The following PSMD14 variants were observed in gnomAD, a reference collection of about 807,000 sequenced individuals.
PSMD14 encodes the protein proteasome 26S subunit, non-ATPase 14.
A neutral mutation model predicts 41.2 loss-of-function variants in PSMD14; 7 were observed. That is an observed-to-expected ratio of 0.17 (90% CI 0.10 to 0.32). PSMD14 has a LOEUF of 0.32. PSMD14 is among the 10% of genes least tolerant of loss of function. The pLI is 1.00. For missense variants in PSMD14, 139 were observed against 375.6 expected (o/e 0.37, Z 5.21); for synonymous variants, 114 against 122.3 (o/e 0.93, Z 0.45).
chr2:161,380,769 A>T (rs889760673), intron 7 of PSMD14, among the ~76,000 whole-genome samples: 5 of 152,054 alleles, frequency 3.3e-5, no homozygotes, highest in African/African-American at 1.2e-4. Context: ...ATAAAAAGTA[A>T]GATTTCTCTG....
At chr2:161,362,354 G>A (rs1223028562) in intron 3 of PSMD14, among the ~76,000 whole-genome samples, 13 of 152,094 alleles carry the variant, frequency 8.5e-5, no homozygotes, top group African/African-American at 2.7e-4. Context: ...TGCCTATATA[G>A]TTACCTGGAT....
intron 7 of PSMD14, chr2:161,381,828 T>A (rs1206215085): frequency 2.0e-5 from 3 of 151,900 alleles, no homozygotes; most frequent in African/African-American, 7.2e-5. Context: ...GCTTTTATAA[T>A]CTAAGACAGA....
At chr2:161,362,935 TTTTAGCC>T (rs1177470447) in intron 3 of PSMD14, among the ~76,000 whole-genome samples, 2 of 152,232 alleles carry the variant, frequency 1.3e-5, no homozygotes, top group African/African-American at 2.4e-5. Context: ...TTTCTGTTTA[TTTTAGCC>T]TTAGAAACAA....
chr2:161,311,811 C>T lies in PSMD14; in HGVS notation c.-138+3207C>T, dbSNP rs567496356. 1.6e-4 allele frequency among the ~76,000 whole-genome samples: 25 copies of T among 151,900 alleles called. No individual in the cohort carries two copies. The South Asian group carries it at 2.9e-3, about 18-fold the overall frequency. ...TATATTTTTAGTAGAGACCAGGTTTCGCCATGTTGGCCAGGCTGGTCTCAA... is the reference window on the plus strand; with the variant it reads ...TATATTTTTAGTAGAGACCAGGTTTTGCCATGTTGGCCAGGCTGGTCTCAA... On this transcript the variant is annotated intron_variant, in intron 1 of 11. Coordinates refer to ENST00000409682, the MANE Select transcript of PSMD14 (RefSeq NM_005805.6).
intron 1 of PSMD14, among the ~76,000 whole-genome samples, chr2:161,310,582 A>G (rs1051176531): frequency 2.6e-4 from 39 of 152,244 alleles, no homozygotes; most frequent in Admixed American, 5.2e-4. Context: ...TTCTAGTTCT[A>G]AAATGATAAT....
intron 2 of PSMD14, among the ~76,000 whole-genome samples, chr2:161,317,919 A>C (rs561042745): frequency 6.6e-6 from 1 of 152,290 alleles, no homozygotes; most frequent in South Asian, 2.1e-4. Flanking sequence ...TCATTTTTAA[A>C]TTACTTAGTT....
chr2:161,335,848 A>G (rs1682861976), intron 3 of PSMD14, among the ~76,000 whole-genome samples: 1 of 152,182 alleles, frequency 6.6e-6, no homozygotes, highest in Admixed American at 6.5e-5. Flanking sequence ...ACATTGATTA[A>G]CTTCTTTGAA....
intron 3 of PSMD14, among the ~76,000 whole-genome samples, chr2:161,351,591 CCCT>C (rs1488349627): frequency 6.6e-6 from 1 of 152,162 alleles, no homozygotes; most frequent in Non-Finnish European, 1.5e-5. Context: ...TGATCCCTTA[CCCT>C]CCTCTTTCCC....
At chr2:161,346,826 G>C (rs71423096) in intron 3 of PSMD14, among the ~76,000 whole-genome samples, 1 of 151,800 alleles carries the variant, frequency 6.6e-6, no homozygotes, top group Non-Finnish European at 1.5e-5. Flanking sequence ...TGCTGTGTGG[G>C]AGGTAGGTGT....
chr2:161,361,575 C>A (rs1421772011), intron 3 of PSMD14, among the ~76,000 whole-genome samples: 5 of 151,734 alleles, frequency 3.3e-5, no homozygotes, highest in Admixed American at 2.0e-4. Context: ...CAAAACCTGG[C>A]AAATTTCACA....
chr2:161,319,018 C>A, intron 3 of PSMD14, 145 bp downstream of exon 3: 1 of 525,406 alleles, frequency 1.9e-6, no homozygotes, highest in Non-Finnish European at 3.3e-6. Context: ...TGTTTGTTAT[C>A]TTGCAACACT....
chr2:161,316,374 G>A (rs1345796665), intron 1 of PSMD14, 63 bp from the exon 2 acceptor site: 2 of 151,948 alleles, frequency 1.3e-5, no homozygotes, highest in Admixed American at 1.3e-4. Flanking sequence ...AAAGATTTTG[G>A]TATAAAGTTT....
At chr2:161,404,902 C>T (rs1193819491) in intron 10 of PSMD14, among the ~76,000 whole-genome samples, 2 of 152,128 alleles carry the variant, frequency 1.3e-5, no homozygotes, top group African/African-American at 4.8e-5. Context: ...TGTTTTTATA[C>T]CTTTCTTTAA....
intron 7 of PSMD14, 137 bp downstream of exon 7, chr2:161,371,459 A>C: frequency 1.2e-6 from 1 of 811,314 alleles, no homozygotes; most frequent in South Asian, 2.8e-5. Context: ...AAAACAAAAA[A>C]ACTGTACAAG....
At chr2:161,364,574 G>A (rs942944282) in intron 3 of PSMD14, among the ~76,000 whole-genome samples, 8 of 151,732 alleles carry the variant, frequency 5.3e-5, no homozygotes, top group African/African-American at 1.9e-4. Context: ...GCTCAGTTTC[G>A]AGTCTTTAAT....
At chr2:161,368,752 C>T (rs1192200530) in intron 5 of PSMD14, among the ~76,000 whole-genome samples, 1 of 151,954 alleles carries the variant, frequency 6.6e-6, no homozygotes, top group Non-Finnish European at 1.5e-5. Flanking sequence ...TGTTATAAAG[C>T]TGTTAGTTCT....
chr2:161,374,720 C>T (rs973398121), intron 7 of PSMD14, among the ~76,000 whole-genome samples: 16 of 151,964 alleles, frequency 1.1e-4, no homozygotes, highest in African/African-American at 3.9e-4. Context: ...GTATACTCAG[C>T]CCATAACCAG....
At chr2:161,348,070 T>C (rs1683068919) in intron 3 of PSMD14, among the ~76,000 whole-genome samples, 1 of 152,214 alleles carries the variant, frequency 6.6e-6, no homozygotes, top group South Asian at 2.1e-4. Context: ...ACCATAAACA[T>C]GTATATGCTA....
At chr2:161,382,215 A>G (rs1683578395) in intron 7 of PSMD14, 1 of 151,818 alleles carries the variant, frequency 6.6e-6, no homozygotes, top group South Asian at 2.1e-4. Context: ...GTCTTCTATT[A>G]TATTAAAGCT....
Sources: gnomAD v4.1 joint callset for allele counts (sites outside exome capture counted in the v4.1 genomes callset) on GRCh38, gnomAD v4.1.1 for gene constraint, MANE v1.5 for transcripts, NCBI Gene and HGNC (gene_info 2026-07-23, HGNC 2026-07-21) for gene names.